FGF12: variants seen among roughly 807,000 people sequenced by gnomAD.
FGF12 encodes the protein fibroblast growth factor 12B.
A neutral mutation model predicts 23.6 loss-of-function variants in FGF12; 14 were observed. The ratio of observed to expected loss-of-function variants is 0.59; its 90% CI spans 0.39 to 0.93. The LOEUF is 0.93. Among genes scored for constraint, FGF12 ranks in the 40% least tolerant of loss-of-function variants. FGF12 has a pLI of 0.00. For synonymous variants in FGF12, 62 were observed against 77.3 expected (o/e 0.80, Z 1.04); for missense variants, 175 against 217.8 (o/e 0.80, Z 1.24).
chr3:192,368,018 A>G (rs924747066), intron 2 of FGF12, among the ~76,000 whole-genome samples: 2 of 152,176 alleles, frequency 1.3e-5, no homozygotes, highest in Non-Finnish European at 2.9e-5. Context: ...ATATTTATTG[A>G]GCAACAGCCT....
intron 2 of FGF12, among the ~76,000 whole-genome samples, chr3:192,668,176 A>G (rs541705134): frequency 6.7e-6 from 1 of 148,522 alleles, no homozygotes; most frequent in East Asian, 2.0e-4. Flanking sequence ...CTGAACTCCG[A>G]AAAAAAAAAC....
intron 4 of FGF12, among the ~76,000 whole-genome samples, chr3:192,290,505 T>A (rs530390681): frequency 2.0e-5 from 3 of 152,090 alleles, no homozygotes; most frequent in Non-Finnish European, 4.4e-5. Flanking sequence ...CAAGTTACAA[T>A]GGTTAAGGGC....
In FGF12 at chr3:192,694,175, A is replaced by G. The variant is rs147828551; in HGVS notation, c.13+33006T>C. ...TGCTCAACGTCATTACGATATGCAA[A>G]TCAAAACTACGATGAGATATCACCT... On this transcript the variant is annotated intron_variant, in intron 2 of 5. Coordinates refer to ENST00000445105, the MANE Select transcript of FGF12 (RefSeq NM_004113.6). Among the ~76,000 whole-genome samples the G allele has an allele frequency of 3.8e-4, 58 of 152,302 alleles. 1 individual carries two copies. In the East Asian group the frequency reaches 8.7e-3, roughly 23 times the overall value.
intron 2 of FGF12, among the ~76,000 whole-genome samples, chr3:192,519,665 A>G (rs1724765890): frequency 1.3e-5 from 2 of 152,218 alleles, no homozygotes; most frequent in South Asian, 4.1e-4. Context: ...GCTTGCAACA[A>G]TTATTAATGT....
intron 2 of FGF12, among the ~76,000 whole-genome samples, chr3:192,591,832 A>G (rs748226304): frequency 6.6e-6 from 1 of 151,938 alleles, no homozygotes; most frequent in Non-Finnish European, 1.5e-5. Flanking sequence ...ACTTTGGGGA[A>G]GGATGGGTGG....
intron 2 of FGF12, among the ~76,000 whole-genome samples, chr3:192,396,622 C>T (rs1720533664): frequency 6.6e-6 from 1 of 152,164 alleles, no homozygotes; most frequent in Non-Finnish European, 1.5e-5. Context: ...AATTCAAACC[C>T]ACCAACACTT....
At chr3:192,226,142 C>A (rs1406116918) in intron 4 of FGF12, among the ~76,000 whole-genome samples, 1 of 152,210 alleles carries the variant, frequency 6.6e-6, no homozygotes, top group Admixed American at 6.5e-5. Context: ...TATATGAGAC[C>A]CATTCTTCTA....
chr3:192,252,000 T>C (rs968226746), intron 4 of FGF12, among the ~76,000 whole-genome samples: 4 of 152,184 alleles, frequency 2.6e-5, no homozygotes, highest in African/African-American at 9.6e-5. Context: ...ATTTAGTCTA[T>C]GCTAGGTATT....
chr3:192,436,100 C>A (rs1722016619), intron 2 of FGF12, among the ~76,000 whole-genome samples: 1 of 152,086 alleles, frequency 6.6e-6, no homozygotes, highest in Admixed American at 6.5e-5. Flanking sequence ...GGTTGGAGCT[C>A]TGAAGGAAAC....
At chr3:192,216,855 C>A (rs1718217199) in intron 4 of FGF12, among the ~76,000 whole-genome samples, 1 of 152,138 alleles carries the variant, frequency 6.6e-6, no homozygotes, top group South Asian at 2.1e-4. Context: ...GTTTCCAACT[C>A]TTATCACTTT....
rs553127754 is a variant in FGF12, at chr3:192,475,247, TAACCCTA to T, written c.14-114716_14-114710del. ...ATGATGCTCTTGAAAGCACGCCAGGTAACCCTAATCAGTGGTCCATTCTAGCTCTAAA... is the reference window on the plus strand; with the variant it reads ...ATGATGCTCTTGAAAGCACGCCAGGTATCAGTGGTCCATTCTAGCTCTAAA... On this transcript the variant is annotated intron_variant, in intron 2 of 5. Transcript: ENST00000445105. Among the ~76,000 whole-genome samples, 582 of 152,324 alleles carry T rather than the reference TAACCCTA, an allele frequency of 3.8e-3. 5 individuals carry two copies. The highest frequency in any genetic ancestry group is 0.013 in the African/African-American group (524 of 41,568).
At chr3:192,651,771 T>C (rs139887804) in intron 2 of FGF12, among the ~76,000 whole-genome samples, 169 of 152,322 alleles carry the variant, frequency 1.1e-3, no homozygotes, top group Admixed American at 2.5e-3. Context: ...ATGCCTTGTT[T>C]AATCTTTGAA....
At chr3:192,169,202 G>A (rs1715401247) in intron 5 of FGF12, among the ~76,000 whole-genome samples, 1 of 152,104 alleles carries the variant, frequency 6.6e-6, no homozygotes, top group Admixed American at 6.6e-5. Context: ...TTAGCCGGGT[G>A]TGGTGGTGTG....
chr3:192,723,340 C>T (rs992560413), intron 2 of FGF12, among the ~76,000 whole-genome samples: 1 of 151,940 alleles, frequency 6.6e-6, no homozygotes, highest in African/African-American at 2.4e-5. Flanking sequence ...ATCACATATC[C>T]ATGAGCCTTC....
At chr3:192,487,417 C>T (rs539805731) in intron 2 of FGF12, among the ~76,000 whole-genome samples, 6 of 152,176 alleles carry the variant, frequency 3.9e-5, no homozygotes, top group African/African-American at 1.4e-4. Context: ...AGGCATGAAA[C>T]ATCAACTTGT....
intron 5 of FGF12, among the ~76,000 whole-genome samples, chr3:192,167,755 ATATATATATATATAAAATTT>A (rs1454137850): frequency 2.8e-4 from 8 of 28,770 alleles, no homozygotes; most frequent in African/African-American, 1.3e-3. Context: ...ATATATATAT[ATATATATATATATAAAATTT>A]TTTTTTTTTT....
intron 2 of FGF12, among the ~76,000 whole-genome samples, chr3:192,551,249 T>C (rs1362199111): frequency 1.3e-5 from 2 of 152,092 alleles, no homozygotes; most frequent in Admixed American, 6.5e-5. Flanking sequence ...AGAGGCCAAA[T>C]AGAGAATGAC....
intron 2 of FGF12, among the ~76,000 whole-genome samples, chr3:192,666,797 G>A (rs1405927676): frequency 6.6e-6 from 1 of 152,126 alleles, no homozygotes; most frequent in African/African-American, 2.4e-5. Context: ...CACCAATACT[G>A]TAATTTTGCT....
chr3:192,512,672 C>T (rs533373267), intron 2 of FGF12, among the ~76,000 whole-genome samples: 8 of 150,946 alleles, frequency 5.3e-5, no homozygotes, highest in African/African-American at 1.9e-4. Flanking sequence ...GATACAAAAC[C>T]GTATATTACC....
Sources: allele counts gnomAD v4.1 joint callset (sites outside exome capture counted in the v4.1 genomes callset), GRCh38; gene constraint gnomAD v4.1.1; transcripts MANE v1.5; gene names NCBI Gene and HGNC (gene_info 2026-07-23, HGNC 2026-07-21).